Variants in TGFA observed in about 807,000 individuals in gnomAD.
TGFA encodes transforming growth factor alpha, also known as protransforming growth factor alpha.
TGFA carries 12 observed loss-of-function variants against 21.7 expected under a neutral mutation model. The ratio of observed to expected loss-of-function variants is 0.55; its 90% CI spans 0.35 to 0.90. TGFA has a LOEUF of 0.90. Among genes scored for constraint, TGFA ranks in the 40% least tolerant of loss-of-function variants. The pLI is 0.01. For missense variants in TGFA, 178 were observed against 210.8 expected (o/e 0.84, Z 0.96); for synonymous variants, 79 against 88.1 (o/e 0.90, Z 0.58).
chr2:70,486,296 AT>A (rs1329376628), intron 2 of TGFA, among the ~76,000 whole-genome samples: 1 of 152,118 alleles, frequency 6.6e-6, no homozygotes, highest in Non-Finnish European at 1.5e-5. Context: ...AAGGCAGGAT[AT>A]TTTGCCTCCT....
intron 2 of TGFA, among the ~76,000 whole-genome samples, chr2:70,500,438 T>C (rs926263673): frequency 6.6e-6 from 1 of 150,432 alleles, no homozygotes; most frequent in East Asian, 1.9e-4. Flanking sequence ...ACTCACAAAG[T>C]GATACTACTT....
chr2:70,537,758 A>G (rs1553504666), intron 1 of TGFA, among the ~76,000 whole-genome samples: 2 of 152,238 alleles, frequency 1.3e-5, no homozygotes, highest in African/African-American at 4.8e-5. Context: ...CCCTCTCCAT[A>G]ACATGACAGT....
At chr2:70,491,628 G>A (rs879980304) in intron 2 of TGFA, among the ~76,000 whole-genome samples, 11 of 152,196 alleles carry the variant, frequency 7.2e-5, no homozygotes, top group Admixed American at 7.2e-4. Flanking sequence ...TTCCCAGCCA[G>A]CCATGCCCCT....
intron 2 of TGFA, among the ~76,000 whole-genome samples, chr2:70,486,560 C>G (rs550532169): frequency 9.9e-5 from 15 of 152,184 alleles, no homozygotes; most frequent in African/African-American, 2.4e-4. Context: ...CTCCTGGGTT[C>G]AAGTCATCCT....
intron 2 of TGFA, among the ~76,000 whole-genome samples, chr2:70,504,463 T>TATATATATATACAC (rs1224115401): frequency 2.2e-4 from 11 of 48,956 alleles, no homozygotes; most frequent in African/African-American, 1.1e-3. Context: ...TATATATATA[T>TATATATATATACAC]ACACACATAC....
At chr2:70,463,308 T>C (rs954050041) in intron 3 of TGFA, among the ~76,000 whole-genome samples, 1 of 152,118 alleles carries the variant, frequency 6.6e-6, no homozygotes. Flanking sequence ...TTATTAATAG[T>C]AACGTGTATG....
At chr2:70,524,734 A>T (rs1672583846) in intron 1 of TGFA, among the ~76,000 whole-genome samples, 2 of 152,198 alleles carry the variant, frequency 1.3e-5, no homozygotes, top group South Asian at 4.1e-4. Flanking sequence ...TGGGCTAGGG[A>T]CAAAGCTGGG....
At position 70,456,463 on chromosome 2, in the gene TGFA, G is replaced by C; in HGVS notation, c.241C>G (p.Arg81Gly). Residue 81 changes from arginine to glycine, a missense_variant, in exon 4 of 6, where the codon CGC (arginine) becomes GGC (glycine). Physicochemically the swap from Arg to Gly is moderately radical, Grantham distance 125. Transcript: ENST00000295400. ...CVCHSGYVGA[R>G]CEHADLLAVV... Reference sequence around the variant, plus strand: ...GCCAGGAGGTCCGCATGCTCACAGCGTGCACCAACGTACCCAGAATGGCAG... The same window carrying C: ...GCCAGGAGGTCCGCATGCTCACAGCCTGCACCAACGTACCCAGAATGGCAG... 1 of 1,608,026 alleles carries C rather than the reference G, an allele frequency of 6.2e-7. No individual in the cohort carries two copies. Among genetic ancestry groups the C allele is most frequent in the Non-Finnish European group, 8.5e-7 (1 of 1,177,448 alleles).
At chr2:70,505,102 A>C (rs1042810871) in intron 2 of TGFA, among the ~76,000 whole-genome samples, 5 of 152,220 alleles carry the variant, frequency 3.3e-5, no homozygotes, top group Non-Finnish European at 5.9e-5. Context: ...TGTAAATTCT[A>C]TTGTGATTGA....
At chr2:70,492,616 T>G (rs1439110624) in intron 2 of TGFA, among the ~76,000 whole-genome samples, 1 of 152,244 alleles carries the variant, frequency 6.6e-6, no homozygotes, top group Non-Finnish European at 1.5e-5. Flanking sequence ...GCTTCTGTTT[T>G]CTTCTCTCAC....
chr2:70,541,871 C>T (rs1574148311), intron 1 of TGFA, among the ~76,000 whole-genome samples: 1 of 152,124 alleles, frequency 6.6e-6, no homozygotes, highest in Non-Finnish European at 1.5e-5. Context: ...ATTATAACAC[C>T]CTAGGTCTGC....
chr2:70,501,245 C>G (rs1266689307), intron 2 of TGFA, among the ~76,000 whole-genome samples: 1 of 148,874 alleles, frequency 6.7e-6, no homozygotes, highest in African/African-American at 2.5e-5. Flanking sequence ...TTAAAGTGCT[C>G]TTTGCTTGCA....
chr2:70,521,617 G>GTTT (rs35177436), intron 1 of TGFA, among the ~76,000 whole-genome samples: 1,865 of 86,920 alleles, frequency 0.021, 94 homozygotes, highest in Middle Eastern at 0.035. Context: ...TTGTTTGTTT[G>GTTT]TTTTTTTTTT....
At chr2:70,458,213 G>A (rs556415705) in intron 3 of TGFA, among the ~76,000 whole-genome samples, 8 of 152,280 alleles carry the variant, frequency 5.3e-5, no homozygotes, top group Middle Eastern at 3.4e-3. Flanking sequence ...AGGCGGAGGC[G>A]AAGAGTGGGC....
intron 1 of TGFA, among the ~76,000 whole-genome samples, chr2:70,549,833 AT>A (rs1269986452): frequency 6.6e-6 from 1 of 152,204 alleles, no homozygotes; most frequent in Non-Finnish European, 1.5e-5. Context: ...GACATTGAGT[AT>A]TTATAGAAAG....
rs373605585 is a variant in TGFA at position 70,472,121 on chromosome 2, T to TA, written c.95-6386dup. 4.4e-3 allele frequency among the ~76,000 whole-genome samples: 665 copies of TA among 152,048 alleles called. 6 individuals are homozygous for TA. The highest frequency in any genetic ancestry group is 0.015 in the African/African-American group (622 of 41,446). ...AGGAAAGGCCTAGAGACTTAAAATT[T>TA]AAAAAAAGAATCACTTAGAAAAGGA... On this transcript the variant is annotated intron_variant, in intron 2 of 5. Transcript: ENST00000295400.
chr2:70,490,463 G>A (rs1435550269), intron 2 of TGFA, among the ~76,000 whole-genome samples: 1 of 152,176 alleles, frequency 6.6e-6, no homozygotes, highest in Non-Finnish European at 1.5e-5. Flanking sequence ...AATTTCAGTC[G>A]GATAATGCGC....
chr2:70,547,220 C>T (rs1430252242), intron 1 of TGFA, among the ~76,000 whole-genome samples: 1 of 152,100 alleles, frequency 6.6e-6, no homozygotes, highest in Non-Finnish European at 1.5e-5. Context: ...CAAAGTGCTT[C>T]AAAAGTCGTT....
intron 1 of TGFA, among the ~76,000 whole-genome samples, chr2:70,515,354 A>T (rs1672238881): frequency 6.6e-6 from 1 of 152,082 alleles, no homozygotes; most frequent in South Asian, 2.1e-4. Flanking sequence ...TATTTATGTC[A>T]TTGCTGTCCT....
Sources: allele counts gnomAD v4.1 joint callset (sites outside exome capture counted in the v4.1 genomes callset), GRCh38; gene constraint gnomAD v4.1.1; transcripts MANE v1.5; gene names NCBI Gene and HGNC (gene_info 2026-07-23, HGNC 2026-07-21).